Variants in TRPC4 observed in about 807,000 individuals in gnomAD.
The protein encoded by TRPC4 is transient receptor potential cation channel subfamily C member 4.
TRPC4 carries 49 observed loss-of-function variants against 99.4 expected under a neutral mutation model. The observed-to-expected ratio is 0.49, with a 90% confidence interval of 0.39 to 0.63. The LOEUF (loss-of-function observed/expected upper bound fraction) is 0.63. Ranked by LOEUF, TRPC4 falls within the 20% of genes least tolerant of loss-of-function variation. The pLI is 0.00. For missense variants in TRPC4, 898 were observed against 1,152.9 expected, an observed-to-expected ratio of 0.78 and a Z score of 3.20; for synonymous variants, 454 against 425.9, an observed-to-expected ratio of 1.07 and a Z score of -0.81.
chr13:37,773,963 A>G (rs1956631691), intron 2 of TRPC4, among the ~76,000 whole-genome samples: 1 of 151,814 alleles, frequency 6.6e-6, no homozygotes, highest in Admixed American at 6.6e-5. Context: ...ATGTGTAATT[A>G]TTTCTAATTT....
At chr13:37,654,506 T>C (rs767841035) in intron 7 of TRPC4, among the ~76,000 whole-genome samples, 2 of 152,184 alleles carry the variant, frequency 1.3e-5, no homozygotes, top group Non-Finnish European at 2.9e-5. Context: ...AGTAATTATG[T>C]ATTGAATGAA....
rs1399103861 is a variant in TRPC4 at position 37,636,855 on chromosome 13, A to T, written c.*48T>A. 3.2e-6 allele frequency: 5 copies of T among 1,557,358 alleles called. No homozygotes were observed. Among genetic ancestry groups the T allele is most frequent in the Non-Finnish European group, 4.3e-6 (5 of 1,153,172 alleles). On this transcript the variant is annotated 3_prime_UTR_variant, in exon 11 of 11. Coordinates refer to ENST00000379705, the MANE Select transcript of TRPC4 (RefSeq NM_016179.4). ...TTAAACATTTTCCCCCACCCAGAGC[A>T]CTACGGAAAATACGTATGTGTATGG...
At chr13:37,656,492 G>C (rs1188101370) in intron 6 of TRPC4, among the ~76,000 whole-genome samples, 1 of 152,092 alleles carries the variant, frequency 6.6e-6, no homozygotes, top group African/African-American at 2.4e-5. Flanking sequence ...GGTAGTCCTT[G>C]TGTAAGACTC....
chr13:37,790,360 G>A (rs1271312436), intron 1 of TRPC4, among the ~76,000 whole-genome samples: 1 of 152,044 alleles, frequency 6.6e-6, no homozygotes, highest in Non-Finnish European at 1.5e-5. Flanking sequence ...TAAAGGAGGA[G>A]GGAAAATAGC....
At chr13:37,705,351 A>G (rs1593550322) in intron 3 of TRPC4, among the ~76,000 whole-genome samples, 1 of 152,076 alleles carries the variant, frequency 6.6e-6, no homozygotes, top group Non-Finnish European at 1.5e-5. Flanking sequence ...TTTCAGTTAG[A>G]TAAGTTTAAG....
At chr13:37,798,361 T>A (rs1365537436) in intron 1 of TRPC4, among the ~76,000 whole-genome samples, 2 of 152,158 alleles carry the variant, frequency 1.3e-5, no homozygotes, top group Non-Finnish European at 2.9e-5. Context: ...ATTACCCAAA[T>A]CTACTCTAAC....
intron 3 of TRPC4, among the ~76,000 whole-genome samples, chr13:37,697,824 G>A (rs1292967083): frequency 1.3e-5 from 2 of 152,270 alleles, no homozygotes; most frequent in African/African-American, 2.4e-5. Context: ...GATGTCTAAC[G>A]AAATTACCTA....
At chr13:37,796,988 G>A (rs199971624) in intron 1 of TRPC4, among the ~76,000 whole-genome samples, 3,109 of 26,310 alleles carry the variant, frequency 0.12, 89 homozygotes, top group African/African-American at 0.19. Flanking sequence ...GTAAAGTAAA[G>A]TAAAGTAAAG....
At chr13:37,654,996 G>T (rs746703026) in intron 7 of TRPC4, 92 bp downstream of exon 7, 5 of 1,059,142 alleles carry the variant, frequency 4.7e-6, no homozygotes, top group Admixed American at 3.8e-5. Flanking sequence ...GCTAATTATA[G>T]ATTTTATTTA....
chr13:37,692,388 C>T (rs868511570), intron 3 of TRPC4, 53 bp from the exon 4 acceptor site: 3 of 1,450,922 alleles, frequency 2.1e-6, no homozygotes, highest in African/African-American at 2.8e-5. Flanking sequence ...CATGGAGTGG[C>T]CTCAATTCAT....
intron 8 of TRPC4, 24 bp from the exon 9 acceptor site, chr13:37,639,323 T>A: frequency 1.2e-6 from 2 of 1,612,008 alleles, no homozygotes; most frequent in Non-Finnish European, 1.7e-6. Flanking sequence ...GGACATTCCT[T>A]TCTGGTTATA....
intron 10 of TRPC4, 125 bp from the exon 11 acceptor site, chr13:37,637,750 G>A: frequency 1.1e-6 from 1 of 938,482 alleles, no homozygotes; most frequent in South Asian, 1.9e-5. Context: ...CTACTCTACT[G>A]TGGTTCTATT....
intron 2 of TRPC4, among the ~76,000 whole-genome samples, chr13:37,752,542 C>T (rs1298472262): frequency 6.6e-6 from 1 of 151,782 alleles, no homozygotes; most frequent in African/African-American, 2.4e-5. Flanking sequence ...AGATTTTGCT[C>T]TCAGGACCTA....
At chr13:37,702,671 T>C (rs1191066368) in intron 3 of TRPC4, among the ~76,000 whole-genome samples, 1 of 152,034 alleles carries the variant, frequency 6.6e-6, no homozygotes, top group Non-Finnish European at 1.5e-5. Flanking sequence ...TGATAATAAA[T>C]GGCAATAAAT....
At chr13:37,832,372 A>G (rs1593282642) in intron 1 of TRPC4, among the ~76,000 whole-genome samples, 1 of 151,938 alleles carries the variant, frequency 6.6e-6, no homozygotes, top group South Asian at 2.1e-4. Context: ...TGAAACCCTG[A>G]CTCTACTAAA....
At chr13:37,811,642 C>T (rs1301306753) in intron 1 of TRPC4, among the ~76,000 whole-genome samples, 4 of 152,100 alleles carry the variant, frequency 2.6e-5, no homozygotes. Context: ...TTACCACATA[C>T]ATATAAGGAA....
intron 3 of TRPC4, among the ~76,000 whole-genome samples, chr13:37,724,278 A>G (rs2139049091): frequency 6.6e-6 from 1 of 152,288 alleles, no homozygotes; most frequent in African/African-American, 2.4e-5. Context: ...GTGTGTAGGT[A>G]TGTTTTGTGT....
At chr13:37,749,371 C>A (rs553521352) in intron 2 of TRPC4, among the ~76,000 whole-genome samples, 260 of 152,066 alleles carry the variant, frequency 1.7e-3, no homozygotes, top group African/African-American at 5.9e-3. Flanking sequence ...AAAATGTATT[C>A]GAAATTTAAC....
chr13:37,719,223 C>T (rs1016781503), intron 3 of TRPC4, among the ~76,000 whole-genome samples: 2 of 151,990 alleles, frequency 1.3e-5, no homozygotes, highest in Non-Finnish European at 2.9e-5. Flanking sequence ...TGGTACATGC[C>T]TATAGTCTCA....
Sources: gnomAD v4.1 joint callset for allele counts (sites outside exome capture counted in the v4.1 genomes callset) on GRCh38, gnomAD v4.1.1 for gene constraint, MANE v1.5 for transcripts, NCBI Gene and HGNC (gene_info 2026-07-23, HGNC 2026-07-21) for gene names.